TMTC1: variants seen among roughly 807,000 people sequenced by gnomAD.
TMTC1 encodes transmembrane O-mannosyltransferase targeting cadherins 1, also known as protein O-mannosyl-transferase TMTC1.
In TMTC1, 73 loss-of-function variants were observed where a neutral mutation model predicts 104.8. The observed-to-expected ratio is 0.70, with a 90% CI of 0.58 to 0.85. The LOEUF is 0.85. Among genes scored for constraint, TMTC1 ranks in the 40% least tolerant of loss-of-function variants. TMTC1 has a pLI of 0.00. For synonymous variants in TMTC1, 434 were observed against 428.7 expected (o/e 1.01, Z -0.15); for missense variants, 1,035 against 1,096.1 (o/e 0.94, Z 0.79).
rs536042867 is a variant in TMTC1 at position 29,701,619 on chromosome 12, T to C, written c.938+50047A>G. On this transcript the variant is annotated intron_variant, in intron 5 of 17. Transcript: ENST00000539277. The stretch of plus-strand genomic sequence containing the variant: ...ACTAGCTTTCCCCTAGTAAATCTCT[T>C]TTATGTCTAATCCCACCTTGTGTCA... Among the ~76,000 whole-genome samples, 3 of 152,338 alleles carry C rather than the reference T, an allele frequency of 2.0e-5. No homozygotes were observed. In the East Asian group the frequency reaches 5.8e-4, roughly 29 times the overall value.
intron 7 of TMTC1, among the ~76,000 whole-genome samples, chr12:29,599,771 C>A (rs1946503266): frequency 6.6e-6 from 1 of 151,976 alleles, no homozygotes; most frequent in South Asian, 2.1e-4. Flanking sequence ...GAAAGATTAC[C>A]AACTGAGCCT....
intron 9 of TMTC1, among the ~76,000 whole-genome samples, chr12:29,563,605 G>A (rs1400034136): frequency 6.6e-6 from 1 of 152,134 alleles, no homozygotes; most frequent in Non-Finnish European, 1.5e-5. Flanking sequence ...TCTGCACAAA[G>A]AAAAGTTGTT....
intron 5 of TMTC1, among the ~76,000 whole-genome samples, chr12:29,742,428 T>G (rs1942851423): frequency 6.6e-6 from 1 of 152,140 alleles, no homozygotes; most frequent in Admixed American, 6.5e-5. Flanking sequence ...TAGGGTGACG[T>G]CAAAGTCAAT....
At chr12:29,780,657 TA>T (rs1011434734) in intron 1 of TMTC1, among the ~76,000 whole-genome samples, 27 of 130,032 alleles carry the variant, frequency 2.1e-4, no homozygotes, top group Admixed American at 6.6e-4. Flanking sequence ...CTTAGTAAAA[TA>T]AAAAAAATAG....
chr12:29,668,092 T>C (rs1237107153), intron 5 of TMTC1, among the ~76,000 whole-genome samples: 3 of 152,262 alleles, frequency 2.0e-5, no homozygotes, highest in Non-Finnish European at 2.9e-5. Flanking sequence ...ATTGTTAAAC[T>C]GCATTTCTGC....
chr12:29,620,927 G>A (rs1229674872), intron 6 of TMTC1, among the ~76,000 whole-genome samples: 3 of 152,170 alleles, frequency 2.0e-5, no homozygotes, highest in African/African-American at 7.2e-5. Flanking sequence ...ACTGGTGGTC[G>A]GGGTCAGAAG....
At chr12:29,574,951 C>T (rs185344560) in intron 8 of TMTC1, among the ~76,000 whole-genome samples, 207 of 152,270 alleles carry the variant, frequency 1.4e-3, no homozygotes, top group Non-Finnish European at 1.7e-3. Context: ...GCTGTGCCTA[C>T]AGGGTTTACT....
intron 5 of TMTC1, among the ~76,000 whole-genome samples, chr12:29,666,561 T>C (rs1349819507): frequency 6.6e-6 from 1 of 152,110 alleles, no homozygotes; most frequent in Non-Finnish European, 1.5e-5. Flanking sequence ...GTGTTTTCCT[T>C]ACCCTCTCGT....
chr12:29,652,397 T>A (rs1027881104), intron 5 of TMTC1, among the ~76,000 whole-genome samples: 31 of 152,182 alleles, frequency 2.0e-4, no homozygotes, highest in African/African-American at 7.2e-4. Context: ...TGTGGGTCAT[T>A]CTCATGACAG....
intron 6 of TMTC1, among the ~76,000 whole-genome samples, chr12:29,604,641 C>T (rs1946651076): frequency 6.6e-6 from 1 of 152,122 alleles, no homozygotes. Flanking sequence ...TTCCAGACAC[C>T]CCATTCTCAA....
At chr12:29,688,154 T>G (rs907700313) in intron 5 of TMTC1, among the ~76,000 whole-genome samples, 1 of 152,196 alleles carries the variant, frequency 6.6e-6, no homozygotes, top group Non-Finnish European at 1.5e-5. Context: ...GTGATGGAGC[T>G]GGTCATTGTG....
At position 29,504,937 on chromosome 12, in the gene TMTC1, C is replaced by T. The variant is rs930345964; in HGVS notation, c.*1909G>A. 13 of 152,048 alleles carry T rather than the reference C, an allele frequency of 8.5e-5. No homozygotes were observed. The highest frequency in any genetic ancestry group is 2.7e-4 in the African/African-American group (11 of 41,404). 9.4% of individuals were successfully genotyped at this position (152,048 alleles called of 1,614,324 possible). On this transcript the variant is annotated 3_prime_UTR_variant, in exon 18 of 18. Coordinates refer to ENST00000539277, the MANE Select transcript of TMTC1 (RefSeq NM_001193451.2). ...AAACACTGGAGTATGTTTCTTGACA[C>T]TAGGACTATGATTTTGGGGGAAGAA...
chr12:29,570,177 T>C (rs899698060), intron 9 of TMTC1, among the ~76,000 whole-genome samples: 11 of 151,756 alleles, frequency 7.2e-5, no homozygotes, highest in African/African-American at 2.4e-4. Flanking sequence ...AATTGATAAA[T>C]AGTAATTAAT....
At chr12:29,695,398 C>T (rs1250318488) in intron 5 of TMTC1, among the ~76,000 whole-genome samples, 1 of 151,984 alleles carries the variant, frequency 6.6e-6, no homozygotes. Context: ...CCTCCCACTC[C>T]CTGGTTCAAG....
intron 11 of TMTC1, among the ~76,000 whole-genome samples, chr12:29,531,798 G>A (rs1482133499): frequency 1.3e-5 from 2 of 152,106 alleles, no homozygotes. Flanking sequence ...ACATTTTTAT[G>A]TGCCTAGCTT....
intron 5 of TMTC1, among the ~76,000 whole-genome samples, chr12:29,656,765 A>G (rs1296488811): frequency 6.6e-6 from 1 of 152,188 alleles, no homozygotes. Context: ...CCCTTTGAAA[A>G]GTATATATAT....
At chr12:29,609,441 C>T (rs557084740) in intron 6 of TMTC1, among the ~76,000 whole-genome samples, 1 of 152,302 alleles carries the variant, frequency 6.6e-6, no homozygotes, top group Admixed American at 6.5e-5. Context: ...ATGGTAGTCA[C>T]CAATGAATGT....
rs981812088 is a variant in TMTC1 at position 29,730,672 on chromosome 12, C to CA, written c.938+20993dup. ...AGACAATTTAATTATTTCCTGAGGC[C>CA]AACAAAGATTTCACCTGCTCTTTCT... On this transcript the variant is annotated intron_variant, in intron 5 of 17. Transcript: ENST00000539277. 5.3e-5 allele frequency among the ~76,000 whole-genome samples: 8 copies of CA among 152,236 alleles called. No homozygotes were observed. The East Asian group carries it at 1.5e-3, about 29-fold the overall frequency.
chr12:29,623,748 G>A (rs1855709450), intron 6 of TMTC1, among the ~76,000 whole-genome samples: 1 of 152,062 alleles, frequency 6.6e-6, no homozygotes, highest in African/African-American at 2.4e-5. Flanking sequence ...GGGAGACGGA[G>A]GTTGCAGTGA....
Sources: gnomAD v4.1 joint callset for allele counts (sites outside exome capture counted in the v4.1 genomes callset) on GRCh38, gnomAD v4.1.1 for gene constraint, MANE v1.5 for transcripts, NCBI Gene and HGNC (gene_info 2026-07-23, HGNC 2026-07-21) for gene names.